The following ROBO1 variants were observed in gnomAD, a reference collection of about 807,000 sequenced individuals.
The protein encoded by ROBO1 is roundabout homolog 1.
In ROBO1, 149 loss-of-function variants were observed where a neutral mutation model predicts 195.9. That is an observed-to-expected ratio of 0.76 (90% confidence interval 0.67 to 0.87). The LOEUF (loss-of-function observed/expected upper bound fraction) is 0.87. ROBO1 is among the 40% of genes least tolerant of loss of function. The pLI is 0.00. For missense variants in ROBO1, 1,933 were observed against 2,068.3 expected (o/e 0.93, Z 1.27); for synonymous variants, 816 against 733.2 (o/e 1.11, Z -1.82).
chr3:79,279,205 G>T (rs1173490774), intron 2 of ROBO1, among the ~76,000 whole-genome samples: 1 of 152,044 alleles, frequency 6.6e-6, no homozygotes, highest in Non-Finnish European at 1.5e-5. Flanking sequence ...AGCGGAGGTT[G>T]CAGTGAGCCG....
intron 1 of ROBO1, among the ~76,000 whole-genome samples, chr3:79,742,270 A>C (rs1703679387): frequency 6.6e-6 from 1 of 152,212 alleles, no homozygotes; most frequent in South Asian, 2.1e-4. Flanking sequence ...CTCCTGTTAC[A>C]GGCATGGGGG....
chr3:79,293,915 G>A (rs192146178), intron 2 of ROBO1, among the ~76,000 whole-genome samples: 9,361 of 150,598 alleles, frequency 0.062, 351 homozygotes, highest in African/African-American at 0.096. Flanking sequence ...AAAATTAGCC[G>A]GGCGTGGTAG....
intron 2 of ROBO1, among the ~76,000 whole-genome samples, chr3:79,312,095 T>C (rs1047487969): frequency 3.3e-5 from 5 of 152,212 alleles, no homozygotes; most frequent in Admixed American, 6.5e-5. Flanking sequence ...AATGTAAATG[T>C]TACCAGTATG....
chr3:79,042,687 G>T (rs901162743), intron 3 of ROBO1, among the ~76,000 whole-genome samples: 1 of 152,046 alleles, frequency 6.6e-6, no homozygotes, highest in Non-Finnish European at 1.5e-5. Flanking sequence ...TACAAAATGA[G>T]AAATGTGTCA....
intron 2 of ROBO1, among the ~76,000 whole-genome samples, chr3:79,233,731 C>G (rs1249577082): frequency 6.6e-6 from 1 of 152,008 alleles, no homozygotes. Context: ...AAATAAACTC[C>G]GTTTTAAGTT....
intron 2 of ROBO1, among the ~76,000 whole-genome samples, chr3:79,487,533 GC>G (rs1405917598): frequency 6.6e-6 from 1 of 152,080 alleles, no homozygotes; most frequent in East Asian, 1.9e-4. Context: ...GTTTTATAAA[GC>G]CCCTTTATTC....
chr3:78,738,738 GA>G (rs2082452714), intron 5 of ROBO1, among the ~76,000 whole-genome samples: 1 of 151,960 alleles, frequency 6.6e-6, no homozygotes, highest in Admixed American at 6.6e-5. Flanking sequence ...AAAATCTTAA[GA>G]AAAAACTACT....
At chr3:79,045,882 A>G (rs1328466223) in intron 3 of ROBO1, among the ~76,000 whole-genome samples, 2 of 151,906 alleles carry the variant, frequency 1.3e-5, no homozygotes, top group Non-Finnish European at 2.9e-5. Context: ...GTGAATTTTG[A>G]TGAGGAAAAA....
At chr3:79,524,950 T>G (rs536457065) in intron 2 of ROBO1, among the ~76,000 whole-genome samples, 90 of 152,078 alleles carry the variant, frequency 5.9e-4, no homozygotes, top group African/African-American at 2.0e-3. Context: ...GACATACATA[T>G]ACATATATAT....
At chr3:79,701,542 C>G (rs977480068) in intron 1 of ROBO1, among the ~76,000 whole-genome samples, 37 of 151,622 alleles carry the variant, frequency 2.4e-4, no homozygotes, top group African/African-American at 8.7e-4. Flanking sequence ...AAATTTCTGC[C>G]CTTTGTCAGC....
chr3:78,877,404 C>A (rs1576331111), intron 4 of ROBO1, among the ~76,000 whole-genome samples: 1 of 151,586 alleles, frequency 6.6e-6, no homozygotes, highest in South Asian at 2.1e-4. Flanking sequence ...TAGAACAATT[C>A]TCTGATATGA....
intron 3 of ROBO1, among the ~76,000 whole-genome samples, chr3:79,016,682 A>G (rs2077944820): frequency 6.6e-6 from 1 of 152,152 alleles, no homozygotes; most frequent in African/African-American, 2.4e-5. Flanking sequence ...AAATGTTCCA[A>G]CATATACAAA....
intron 2 of ROBO1, among the ~76,000 whole-genome samples, chr3:79,553,664 T>C (rs1471376374): frequency 6.6e-6 from 1 of 152,096 alleles, no homozygotes; most frequent in Non-Finnish European, 1.5e-5. Flanking sequence ...GTAAACATTA[T>C]TGGAAATTTT....
chr3:79,506,711 G>A (rs1940418825), intron 2 of ROBO1, among the ~76,000 whole-genome samples: 1 of 152,158 alleles, frequency 6.6e-6, no homozygotes, highest in Non-Finnish European at 1.5e-5. Context: ...CCAAAGTGCT[G>A]GGATTACAGG....
At chr3:79,646,375 G>A (rs1438575841) in intron 1 of ROBO1, among the ~76,000 whole-genome samples, 1 of 152,072 alleles carries the variant, frequency 6.6e-6, no homozygotes, top group Non-Finnish European at 1.5e-5. Context: ...CCTCAACTCG[G>A]TTAAAATGGC....
intron 2 of ROBO1, among the ~76,000 whole-genome samples, chr3:79,332,750 A>G (rs1252209818): frequency 6.6e-6 from 1 of 152,190 alleles, no homozygotes; most frequent in Non-Finnish European, 1.5e-5. Context: ...AATAAAGAAA[A>G]TTGCTGCATG....
intron 2 of ROBO1, among the ~76,000 whole-genome samples, chr3:79,225,753 A>G (rs1000397067): frequency 3.9e-5 from 6 of 152,176 alleles, no homozygotes; most frequent in Admixed American, 3.3e-4. Context: ...CCCTTCTTCT[A>G]ATATAACATG....
chr3:79,472,947 G>A (rs1166056653), intron 2 of ROBO1, among the ~76,000 whole-genome samples: 6 of 152,110 alleles, frequency 3.9e-5, no homozygotes, highest in Non-Finnish European at 5.9e-5. Context: ...TATTAGCTAG[G>A]TGAGGGGAAG....
At chr3:78,927,428 C>G (rs1372786690) in intron 4 of ROBO1, among the ~76,000 whole-genome samples, 1 of 152,082 alleles carries the variant, frequency 6.6e-6, no homozygotes, top group East Asian at 1.9e-4. Context: ...CTGGGAAAAA[C>G]AAGACAGATT....
Sources: allele counts gnomAD v4.1 joint callset (sites outside exome capture counted in the v4.1 genomes callset), GRCh38; gene constraint gnomAD v4.1.1; transcripts MANE v1.5; gene names NCBI Gene and HGNC (gene_info 2026-07-23, HGNC 2026-07-21).